The following SLC4A4 variants were observed in gnomAD, a reference collection of about 807,000 sequenced individuals.
The protein encoded by SLC4A4 is solute carrier family 4 member 4, also known as electrogenic sodium bicarbonate cotransporter 1.
A neutral mutation model predicts 111.5 loss-of-function variants in SLC4A4; 27 were observed. The ratio of observed to expected loss-of-function variants is 0.24; its 90% CI spans 0.18 to 0.33. The LOEUF is 0.33. SLC4A4 is among the 10% of genes least tolerant of loss of function. The pLI, the probability that SLC4A4 is intolerant of heterozygous loss-of-function variation, is 1.00. For missense variants in SLC4A4, 909 were observed against 1,315.5 expected (o/e 0.69, Z 4.78); for synonymous variants, 443 against 463.4 (o/e 0.96, Z 0.57).
At chr4:71,453,412 GT>G in intron 11 of SLC4A4, 82 bp from the exon 12 acceptor site, 1 of 1,323,228 alleles carries the variant, frequency 7.6e-7, no homozygotes. Context: ...AATATGTTGT[GT>G]TTGATTTAAT....
chr4:71,412,374 T>C (rs963228214), intron 7 of SLC4A4, among the ~76,000 whole-genome samples: 1 of 152,164 alleles, frequency 6.6e-6, no homozygotes, highest in Non-Finnish European at 1.5e-5. Context: ...CTTTTAGAGA[T>C]GAGAAAGCTT....
chr4:71,452,019 T>C (rs1471615161), intron 11 of SLC4A4, among the ~76,000 whole-genome samples: 3 of 152,222 alleles, frequency 2.0e-5, no homozygotes, highest in Non-Finnish European at 4.4e-5. Context: ...CATTAGATTG[T>C]TCCTTTTATT....
chr4:71,304,376 GA>G (rs1725520550), intron 3 of SLC4A4, among the ~76,000 whole-genome samples: 3 of 152,170 alleles, frequency 2.0e-5, no homozygotes, highest in Non-Finnish European at 4.4e-5. Context: ...CAGGAGTGCT[GA>G]TGTCTGAGAG....
chr4:71,084,000 G>GTC lies in SLC4A4; in HGVS notation c.-64-8710_-64-8709dup, dbSNP rs146795435. 4.9e-3 allele frequency among the ~76,000 whole-genome samples: 726 copies of GTC among 148,384 alleles called. 9 individuals carry two copies. The highest frequency in any genetic ancestry group is 0.015 in the African/African-American group (620 of 40,454). ...CTACTTCTGCCTCTTGGCTGGAGCT[G>GTC]TCTCTCTCTCTCTCTCTCTCTGTCT... On this transcript the variant is annotated intron_variant, in intron 1 of 26. Coordinates refer to the SLC4A4 transcript ENST00000649996.
rs562148851 is a variant in SLC4A4 at position 71,454,676 on chromosome 4, G to A, written c.1497+1007G>A. On this transcript the variant is annotated intron_variant, in intron 12 of 25. Transcript: ENST00000264485. ...ATACTATGGAGATTATAACATCTAT[G>A]TTGACCTAAGTAAAAAGGGAGAAAT... 7.9e-5 allele frequency among the ~76,000 whole-genome samples: 12 copies of A among 152,108 alleles called. No individual in the cohort carries two copies. In the South Asian group the frequency reaches 1.5e-3, roughly 18 times the overall value.
At chr4:71,422,761 G>T (rs1274451301) in intron 7 of SLC4A4, among the ~76,000 whole-genome samples, 1 of 152,076 alleles carries the variant, frequency 6.6e-6, no homozygotes, top group African/African-American at 2.4e-5. Context: ...AATAGATGCA[G>T]AAAAGGCCTT....
intron 2 of SLC4A4, among the ~76,000 whole-genome samples, chr4:71,241,679 T>G (rs1339048264): frequency 6.6e-6 from 1 of 152,228 alleles, no homozygotes; most frequent in Non-Finnish European, 1.5e-5. Context: ...TCTTCTCTGC[T>G]GTTCACTCTA....
chr4:71,453,724 C>G, intron 12 of SLC4A4, 55 bp downstream of exon 12: 1 of 1,520,200 alleles, frequency 6.6e-7, no homozygotes, highest in Non-Finnish European at 9.1e-7. Context: ...GCCTTCCTCA[C>G]CCCTACAGCT....
intron 4 of SLC4A4, among the ~76,000 whole-genome samples, chr4:71,348,385 T>C (rs1383908978): frequency 6.6e-6 from 1 of 151,372 alleles, no homozygotes; most frequent in African/African-American, 2.4e-5. Flanking sequence ...TTGGAATGTG[T>C]CACAGCTACT....
At chr4:71,263,020 C>A (rs1308893264) in intron 3 of SLC4A4, among the ~76,000 whole-genome samples, 2 of 142,732 alleles carry the variant, frequency 1.4e-5, no homozygotes, top group Admixed American at 7.0e-5. Flanking sequence ...CCCCTCCCCC[C>A]ACTCCACAAC....
intron 1 of SLC4A4, among the ~76,000 whole-genome samples, chr4:71,220,777 A>G (rs917521006): frequency 2.8e-4 from 42 of 152,124 alleles, no homozygotes; most frequent in African/African-American, 9.9e-4. Flanking sequence ...AGGTAAACGC[A>G]TGTCATGGGA....
intron 2 of SLC4A4, among the ~76,000 whole-genome samples, chr4:71,171,726 A>G (rs932581332): frequency 6.6e-6 from 1 of 152,192 alleles, no homozygotes; most frequent in African/African-American, 2.4e-5. Flanking sequence ...TTTCTTTTGC[A>G]TTCTCTGAAA....
intron 2 of SLC4A4, among the ~76,000 whole-genome samples, chr4:71,128,424 G>C (rs1159308486): frequency 6.6e-6 from 1 of 152,008 alleles, no homozygotes; most frequent in Non-Finnish European, 1.5e-5. Flanking sequence ...GATTTGAGTG[G>C]GGACACAGAG....
chr4:71,376,154 T>TACACACACACACACACACACAC (rs1280052167), intron 6 of SLC4A4, among the ~76,000 whole-genome samples: 1 of 55,032 alleles, frequency 1.8e-5, no homozygotes, highest in Non-Finnish European at 3.7e-5. Context: ...TACCTGTATA[T>TACACACACACACACACACACAC]ATACACACAC....
At chr4:71,097,671 A>G (rs942636616) in intron 2 of SLC4A4, among the ~76,000 whole-genome samples, 2 of 152,074 alleles carry the variant, frequency 1.3e-5, no homozygotes, top group Non-Finnish European at 2.9e-5. Flanking sequence ...TTTCTCCGCA[A>G]TTTCATCAGC....
At chr4:71,291,280 G>A (rs1314422956) in intron 3 of SLC4A4, among the ~76,000 whole-genome samples, 1 of 152,160 alleles carries the variant, frequency 6.6e-6, no homozygotes, top group Non-Finnish European at 1.5e-5. Flanking sequence ...GTATACATAT[G>A]TAACAAACCT....
At chr4:71,077,326 A>T (rs1362509743) in intron 1 of SLC4A4, among the ~76,000 whole-genome samples, 2 of 151,782 alleles carry the variant, frequency 1.3e-5, no homozygotes, top group Non-Finnish European at 2.9e-5. Flanking sequence ...ATGCTCGGCT[A>T]ATTTTTGTAT....
chr4:71,251,046 A>T (rs1422250506), intron 2 of SLC4A4, among the ~76,000 whole-genome samples: 1 of 152,198 alleles, frequency 6.6e-6, no homozygotes, highest in East Asian at 1.9e-4. Flanking sequence ...TGTACAGTAA[A>T]CACAGCAACA....
intron 2 of SLC4A4, among the ~76,000 whole-genome samples, chr4:71,175,983 C>T (rs1706922609): frequency 6.6e-6 from 1 of 152,166 alleles, no homozygotes; most frequent in Non-Finnish European, 1.5e-5. Flanking sequence ...ACAAAACTTT[C>T]AGAGGAACGA....
Sources: allele counts gnomAD v4.1 joint callset (sites outside exome capture counted in the v4.1 genomes callset), GRCh38; gene constraint gnomAD v4.1.1; transcripts MANE v1.5; gene names NCBI Gene and HGNC (gene_info 2026-07-23, HGNC 2026-07-21).